NDUFS4: variants seen among roughly 807,000 people sequenced by gnomAD.
NDUFS4 encodes the protein NADH dehydrogenase [ubiquinone] iron-sulfur protein 4, mitochondrial.
A neutral mutation model predicts 24.3 loss-of-function variants in NDUFS4; 28 were observed. That is an observed-to-expected ratio of 1.15 (90% CI 0.85 to 1.58). The LOEUF is 1.58. NDUFS4 is among the 40% of genes most tolerant of loss of function. NDUFS4 has a pLI of 0.00. For synonymous variants in NDUFS4, 93 were observed against 69.7 expected, an observed-to-expected ratio of 1.34 and a Z score of -1.67; for missense variants, 223 against 207.9, an observed-to-expected ratio of 1.07 and a Z score of -0.45.
chr5:53,624,754 T>C (rs1221181951), intron 2 of NDUFS4, among the ~76,000 whole-genome samples: 2 of 152,206 alleles, frequency 1.3e-5, no homozygotes, highest in Non-Finnish European at 1.5e-5. Flanking sequence ...GATTTTCACA[T>C]ATGTCATCTG....
At chr5:53,619,780 CTA>C (rs1561367079) in intron 2 of NDUFS4, among the ~76,000 whole-genome samples, 1 of 151,982 alleles carries the variant, frequency 6.6e-6, no homozygotes, top group Non-Finnish European at 1.5e-5. Flanking sequence ...TATAATGTGA[CTA>C]TATTTCTTTA....
chr5:53,595,581 C>A (rs964232180), intron 1 of NDUFS4, among the ~76,000 whole-genome samples: 7 of 152,158 alleles, frequency 4.6e-5, no homozygotes, highest in Non-Finnish European at 1.0e-4. Flanking sequence ...TAACCTGTTG[C>A]TATAAATGTA....
At chr5:53,603,339 T>TTTC in intron 1 of NDUFS4, 113 bp from the exon 2 acceptor site, 1 of 709,760 alleles carries the variant, frequency 1.4e-6, no homozygotes, top group Non-Finnish European at 2.3e-6. Context: ...TCCTTTCCTT[T>TTTC]TTTTTTTTTT....
intron 4 of NDUFS4, among the ~76,000 whole-genome samples, chr5:53,673,318 T>C (rs1273001465): frequency 5.3e-5 from 8 of 152,170 alleles, no homozygotes; most frequent in Admixed American, 2.6e-4. Flanking sequence ...AATGAAAGAA[T>C]GTATCTTTGT....
At chr5:53,627,559 T>C (rs1298069402) in intron 2 of NDUFS4, among the ~76,000 whole-genome samples, 1 of 152,094 alleles carries the variant, frequency 6.6e-6, no homozygotes, top group Non-Finnish European at 1.5e-5. Context: ...TATTTCTTTT[T>C]GCAGTGGTTT....
intron 2 of NDUFS4, among the ~76,000 whole-genome samples, chr5:53,639,653 A>G (rs935617563): frequency 3.3e-5 from 5 of 152,184 alleles, no homozygotes; most frequent in African/African-American, 7.2e-5. Flanking sequence ...TAAACTGCTC[A>G]TGACAACTTC....
intron 4 of NDUFS4, among the ~76,000 whole-genome samples, chr5:53,661,031 T>C (rs1752327241): frequency 6.6e-6 from 1 of 152,234 alleles, no homozygotes; most frequent in Non-Finnish European, 1.5e-5. Flanking sequence ...AATTCTGGCT[T>C]TTGTTGCCAT....
chr5:53,682,961 G>A (rs1033791386), intron 4 of NDUFS4, among the ~76,000 whole-genome samples, 157 bp from the exon 5 acceptor site: 1 of 151,852 alleles, frequency 6.6e-6, no homozygotes, highest in Non-Finnish European at 1.5e-5. Flanking sequence ...GATTATAAGG[G>A]AACAAATAGT....
chr5:53,664,045 T>C (rs892694794), intron 4 of NDUFS4, among the ~76,000 whole-genome samples: 3 of 152,170 alleles, frequency 2.0e-5, no homozygotes, highest in Non-Finnish European at 2.9e-5. Flanking sequence ...CAAAATCTCT[T>C]TGCATTTGCT....
intron 4 of NDUFS4, among the ~76,000 whole-genome samples, chr5:53,668,248 T>C (rs1752572996): frequency 6.6e-6 from 1 of 152,210 alleles, no homozygotes; most frequent in Non-Finnish European, 1.5e-5. Context: ...GTATTTGAGA[T>C]ACAGTTGATT....
chr5:53,652,111 T>C (rs1752037276), intron 3 of NDUFS4, among the ~76,000 whole-genome samples: 1 of 152,210 alleles, frequency 6.6e-6, no homozygotes, highest in African/African-American at 2.4e-5. Flanking sequence ...TGTCTAGGTC[T>C]ATCATATTGA....
At chr5:53,609,040 GA>G (rs1750616027) in intron 2 of NDUFS4, among the ~76,000 whole-genome samples, 2 of 152,136 alleles carry the variant, frequency 1.3e-5, no homozygotes, top group Non-Finnish European at 2.9e-5. Flanking sequence ...AAAGAGAGGG[GA>G]CTAAGGTTCT....
At chr5:53,661,730 A>C (rs1232287722) in intron 4 of NDUFS4, among the ~76,000 whole-genome samples, 4 of 152,104 alleles carry the variant, frequency 2.6e-5, no homozygotes, top group Non-Finnish European at 4.4e-5. Flanking sequence ...GTCCCGTGTA[A>C]GTTGGATTCC....
At chr5:53,651,489 T>C (rs1752013924) in intron 3 of NDUFS4, among the ~76,000 whole-genome samples, 1 of 151,786 alleles carries the variant, frequency 6.6e-6, no homozygotes, top group South Asian at 2.1e-4. Flanking sequence ...TATTTTATTT[T>C]ACAACTATAT....
chr5:53,570,222 T>C (rs1192490598), intron 1 of NDUFS4, among the ~76,000 whole-genome samples: 3 of 152,236 alleles, frequency 2.0e-5, no homozygotes, highest in East Asian at 1.9e-4. Flanking sequence ...TCCACAGTTA[T>C]CTTTTTTCAT....
At chr5:53,669,043 T>C (rs1377160397) in intron 4 of NDUFS4, among the ~76,000 whole-genome samples, 2 of 152,196 alleles carry the variant, frequency 1.3e-5, no homozygotes, top group Non-Finnish European at 2.9e-5. Context: ...ATATAGTCTA[T>C]GACTGCTTTT....
chr5:53,596,520 A>G (rs977551254), intron 1 of NDUFS4, among the ~76,000 whole-genome samples: 12 of 152,236 alleles, frequency 7.9e-5, no homozygotes, highest in African/African-American at 2.6e-4. Flanking sequence ...TCTTTTTTCT[A>G]TCTAATGAAT....
intron 2 of NDUFS4, among the ~76,000 whole-genome samples, chr5:53,615,207 G>T (rs1750805825): frequency 6.6e-6 from 1 of 151,782 alleles, no homozygotes; most frequent in African/African-American, 2.4e-5. Flanking sequence ...TAGCCAGCTT[G>T]CCAGATAAGT....
At chr5:53,626,074 C>T (rs977913091) in intron 2 of NDUFS4, among the ~76,000 whole-genome samples, 12 of 151,958 alleles carry the variant, frequency 7.9e-5, no homozygotes, top group Non-Finnish European at 1.6e-4. Flanking sequence ...TTGTGATGTT[C>T]CCCGCCCTGT....
Sources: allele counts gnomAD v4.1 joint callset (sites outside exome capture counted in the v4.1 genomes callset), GRCh38; gene constraint gnomAD v4.1.1; transcripts MANE v1.5; gene names NCBI Gene and HGNC (gene_info 2026-07-23, HGNC 2026-07-21).